Variants in FBXL7 observed in about 807,000 individuals in gnomAD.
The protein encoded by FBXL7 is F-box/LRR-repeat protein 7.
FBXL7 carries 12 observed loss-of-function variants against 38.3 expected under a neutral mutation model. The observed-to-expected ratio is 0.31, with a 90% CI of 0.20 to 0.51. The LOEUF is 0.51. FBXL7 is among the 20% of genes least tolerant of loss of function. The pLI, the probability that FBXL7 is intolerant of heterozygous loss-of-function variation, is 0.98. For missense variants in FBXL7, 567 were observed against 676.4 expected, an observed-to-expected ratio of 0.84 and a Z score of 1.79; for synonymous variants, 297 against 300.9, an observed-to-expected ratio of 0.99 and a Z score of 0.13.
intron 2 of FBXL7, among the ~76,000 whole-genome samples, chr5:15,854,345 T>C (rs909830781): frequency 1.3e-5 from 2 of 152,182 alleles, no homozygotes; most frequent in African/African-American, 4.8e-5. Flanking sequence ...ATTCCAAAAA[T>C]ATAATTTTGA....
chr5:15,553,271 G>C (rs192416058), intron 1 of FBXL7, among the ~76,000 whole-genome samples: 58 of 152,218 alleles, frequency 3.8e-4, no homozygotes, highest in Admixed American at 3.7e-3. Flanking sequence ...TTCTCTCCTA[G>C]GAGTCTTTGC....
At chr5:15,558,090 T>C (rs192540815) in intron 1 of FBXL7, among the ~76,000 whole-genome samples, 1 of 152,304 alleles carries the variant, frequency 6.6e-6, no homozygotes, top group East Asian at 1.9e-4. Flanking sequence ...TGCATAATTT[T>C]GTGAATGTAA....
At chr5:15,918,298 G>C (rs1741653113) in intron 2 of FBXL7, among the ~76,000 whole-genome samples, 1 of 152,102 alleles carries the variant, frequency 6.6e-6, no homozygotes, top group Non-Finnish European at 1.5e-5. Context: ...AGGGTACTAA[G>C]AAGTTGTTTG....
chr5:15,735,724 C>A (rs1735732078), intron 2 of FBXL7, among the ~76,000 whole-genome samples: 1 of 152,110 alleles, frequency 6.6e-6, no homozygotes, highest in Non-Finnish European at 1.5e-5. Context: ...GGGCTTAGAG[C>A]AGATGACCTG....
At chr5:15,690,595 A>G (rs1222585428) in intron 2 of FBXL7, among the ~76,000 whole-genome samples, 4 of 152,220 alleles carry the variant, frequency 2.6e-5, no homozygotes, top group African/African-American at 9.7e-5. Context: ...ATTATTGTTA[A>G]CAATAGATCC....
At chr5:15,613,719 C>G (rs1158648481) in intron 1 of FBXL7, among the ~76,000 whole-genome samples, 1 of 152,172 alleles carries the variant, frequency 6.6e-6, no homozygotes, top group South Asian at 2.1e-4. Flanking sequence ...CTAAGGAGTT[C>G]TACTCTGTAT....
rs6894115 is a variant in FBXL7 at position 15,911,785 on chromosome 5, T to G, written c.128-16105T>G. The stretch of plus-strand genomic sequence containing the variant: ...GCAGGTCTGTTGGAATACCCTGCCG[T>G]GTGAGGTGTCAGTGTGCCCCTGCTG... On this transcript the variant is annotated intron_variant, in intron 2 of 3. Coordinates refer to ENST00000504595, the MANE Select transcript of FBXL7 (RefSeq NM_012304.5). Among the ~76,000 whole-genome samples the G allele has an allele frequency of 3.8e-3, 134 of 35,588 alleles. 7 individuals carry two copies. Among genetic ancestry groups the G allele is most frequent in the African/African-American group, 0.025 (118 of 4,734 alleles). 23.3% of individuals were successfully genotyped at this position (35,588 alleles called of 152,430 possible). A position where few individuals can be genotyped will look rare whatever the true frequency, so the allele number is the denominator to read the frequency against.
chr5:15,568,706 G>C lies in FBXL7; in HGVS notation c.38-47277G>C, dbSNP rs537308331. 4.6e-5 allele frequency among the ~76,000 whole-genome samples: 7 copies of C among 151,966 alleles called. No homozygotes were observed. The East Asian group carries it at 1.3e-3, about 29-fold the overall frequency. On this transcript the variant is annotated intron_variant, in intron 1 of 3. Transcript: ENST00000504595. Reference sequence around the variant, plus strand: ...TGGTATTGCCTAGGTTTTCTTCTAGGGTTTTTATGGTTTCAGGTCTAACAT... The same window carrying C: ...TGGTATTGCCTAGGTTTTCTTCTAGCGTTTTTATGGTTTCAGGTCTAACAT...
chr5:15,928,042 A>ACCCCCCCCCC lies in FBXL7; in HGVS notation c.283_284insCCCCCCCCCC (p.Arg95ProfsTer141). 1 of 386,350 alleles carries ACCCCCCCCCC rather than the reference A, an allele frequency of 2.6e-6. No individual in the cohort carries two copies. Among genetic ancestry groups the ACCCCCCCCCC allele is most frequent in the Non-Finnish European group, 5.2e-6 (1 of 194,148 alleles). The allele number at this position is 386,350 out of a possible 1,614,324, so 23.9% of individuals were successfully genotyped here. On this transcript the variant is annotated frameshift_variant, in exon 3 of 4. Coordinates refer to ENST00000504595, the MANE Select transcript of FBXL7 (RefSeq NM_012304.5). LOFTEE classifies it high-confidence loss of function. This position sits in a 1 kb window ranked among gnomAD's most constrained non-coding sequence, Gnocchi z 4.0. Reference sequence around the variant, plus strand: ...GGCCATGGTGCACTCCCCGCCCCCGACCCGCCTCACACACCCGCTCATCCG... The same window carrying ACCCCCCCCCC: ...GGCCATGGTGCACTCCCCGCCCCCGACCCCCCCCCCCCCGCCTCACACACCCGCTCATCCG...
chr5:15,744,830 G>T (rs1735973921), intron 2 of FBXL7, among the ~76,000 whole-genome samples: 1 of 152,160 alleles, frequency 6.6e-6, no homozygotes, highest in Non-Finnish European at 1.5e-5. Context: ...AGAAAGGGAT[G>T]CAAACATGCC....
At chr5:15,706,318 C>T (rs528199730) in intron 2 of FBXL7, among the ~76,000 whole-genome samples, 2 of 152,302 alleles carry the variant, frequency 1.3e-5, no homozygotes, top group South Asian at 2.1e-4. Context: ...CTCTCTCTTG[C>T]TCCCACTTTT....
At position 15,500,191 on chromosome 5, in the gene FBXL7, A is replaced by C. The variant is rs1360773343; in HGVS notation, c.-486A>C. On this transcript the variant is annotated 5_prime_UTR_variant, in exon 1 of 4. Coordinates refer to ENST00000504595, the MANE Select transcript of FBXL7 (RefSeq NM_012304.5). Reference sequence around the variant, plus strand: ...CGCGGGCGAGCTGCGCCGGGTCGCTAGTCTTCACTCGCTCCGGGGACCCGC... The same window carrying C: ...CGCGGGCGAGCTGCGCCGGGTCGCTCGTCTTCACTCGCTCCGGGGACCCGC... The C allele has an allele frequency of 6.6e-6, 1 of 151,906 alleles. No individual in the cohort carries two copies. The highest frequency in any genetic ancestry group is 1.5e-5 in the Non-Finnish European group (1 of 67,938). The allele number at this position is 151,906 out of a possible 1,614,324, so 9.4% of individuals were successfully genotyped here.
intron 2 of FBXL7, among the ~76,000 whole-genome samples, chr5:15,661,119 T>C (rs1357916027): frequency 6.6e-6 from 1 of 152,216 alleles, no homozygotes; most frequent in Non-Finnish European, 1.5e-5. Context: ...GGAAGCAGTC[T>C]TTTATATTGA....
chr5:15,712,581 T>C (rs992589993), intron 2 of FBXL7, among the ~76,000 whole-genome samples: 4 of 152,104 alleles, frequency 2.6e-5, no homozygotes, highest in Non-Finnish European at 5.9e-5. Context: ...ATGTTTTTCT[T>C]AGTAAGAGCT....
At chr5:15,697,597 G>A (rs911476486) in intron 2 of FBXL7, among the ~76,000 whole-genome samples, 3 of 151,880 alleles carry the variant, frequency 2.0e-5, no homozygotes, top group Admixed American at 6.6e-5. Context: ...CAAATTGGGA[G>A]TGGAAGGAGT....
At chr5:15,736,911 C>G (rs973698741) in intron 2 of FBXL7, among the ~76,000 whole-genome samples, 1 of 152,194 alleles carries the variant, frequency 6.6e-6, no homozygotes, top group Non-Finnish European at 1.5e-5. Context: ...ATCATAATAT[C>G]TGACGCTTCT....
At chr5:15,849,470 G>T (rs978443980) in intron 2 of FBXL7, among the ~76,000 whole-genome samples, 2 of 152,094 alleles carry the variant, frequency 1.3e-5, no homozygotes, top group Non-Finnish European at 2.9e-5. Context: ...TTGTGGGAGT[G>T]GTTTCCCCCA....
chr5:15,803,269 A>G (rs1345073400), intron 2 of FBXL7, among the ~76,000 whole-genome samples: 3 of 152,168 alleles, frequency 2.0e-5, no homozygotes, highest in Admixed American at 6.5e-5. Flanking sequence ...AGTTTGAGTC[A>G]TTGTTCGGTA....
chr5:15,805,161 C>T (rs1279509706), intron 2 of FBXL7, among the ~76,000 whole-genome samples: 1 of 152,144 alleles, frequency 6.6e-6, no homozygotes, highest in Non-Finnish European at 1.5e-5. Flanking sequence ...CATAACCTTA[C>T]TTACCTCTTT....
Sources: allele counts gnomAD v4.1 joint callset (sites outside exome capture counted in the v4.1 genomes callset), GRCh38; gene constraint gnomAD v4.1.1; non-coding constraint Gnocchi (gnomAD v3.1); transcripts MANE v1.5; gene names NCBI Gene and HGNC (gene_info 2026-07-23, HGNC 2026-07-21).